Variants in BMP8A observed in about 807,000 individuals in gnomAD.
BMP8A encodes the protein bone morphogenetic protein 8a.
BMP8A carries 14 observed loss-of-function variants against 36.8 expected under a neutral mutation model. The ratio of observed to expected loss-of-function variants is 0.38; its 90% CI spans 0.25 to 0.60. BMP8A has a LOEUF of 0.60. BMP8A is among the 20% of genes least tolerant of loss of function. BMP8A has a pLI of 0.63. For synonymous variants in BMP8A, 120 were observed against 237.7 expected (o/e 0.50, Z 4.55); for missense variants, 267 against 551.1 (o/e 0.48, Z 5.16).
chr1:39,518,246 A>G (rs1221162732), intron 3 of BMP8A, among the ~76,000 whole-genome samples: 11 of 148,902 alleles, frequency 7.4e-5, no homozygotes, highest in African/African-American at 2.8e-4. Flanking sequence ...CTGGTCAAGG[A>G]CAGACTTTCC....
chr1:39,497,735 T>A (rs1393504716), intron 1 of BMP8A, among the ~76,000 whole-genome samples: 1 of 151,376 alleles, frequency 6.6e-6, no homozygotes, highest in East Asian at 1.9e-4. Context: ...CAATTCTGAC[T>A]CTTCCCTGCC....
At chr1:39,504,089 G>T (rs1645277371) in intron 1 of BMP8A, among the ~76,000 whole-genome samples, 1 of 152,172 alleles carries the variant, frequency 6.6e-6, no homozygotes, top group South Asian at 2.1e-4. Context: ...AGATAGATTG[G>T]TATCATATTG....
intron 5 of BMP8A, among the ~76,000 whole-genome samples, chr1:39,522,689 AAATG>A (rs1427868878): frequency 1.4e-4 from 22 of 152,322 alleles, no homozygotes; most frequent in African/African-American, 5.3e-4. Flanking sequence ...AAAACCATGA[AAATG>A]AAGACTGAAT....
intron 6 of BMP8A, among the ~76,000 whole-genome samples, 178 bp from the exon 7 acceptor site, chr1:39,525,471 C>A (rs539562087): frequency 1.8e-4 from 27 of 152,256 alleles, no homozygotes; most frequent in African/African-American, 6.5e-4. Flanking sequence ...CCACAGCTCC[C>A]GCTCCCAGAG....
chr1:39,509,763 A>G (rs1186374799), intron 1 of BMP8A, among the ~76,000 whole-genome samples: 1 of 152,218 alleles, frequency 6.6e-6, no homozygotes, highest in East Asian at 1.9e-4. Context: ...GTAACCAGAG[A>G]GAATTTTTAA....
At chr1:39,511,413 C>T (rs1645353878) in intron 2 of BMP8A, 50 bp downstream of exon 2, 1 of 602,454 alleles carries the variant, frequency 1.7e-6, no homozygotes, top group Non-Finnish European at 2.9e-6. Context: ...ACCTCACAGT[C>T]TCATGGTCAA....
At position 39,492,069 on chromosome 1, in the gene BMP8A, A is replaced by AC; in HGVS notation, c.83dup (p.Pro29AlafsTer103). ...TGGGCGGGGGCGGCCCCGGCCTGCG[A>AC]CCCCCGCCCGGCTGTCCCCAGCGAC... On this transcript the variant is annotated frameshift_variant, in exon 1 of 7. Transcript: ENST00000331593. LOFTEE classifies it high-confidence loss of function. 1 of 1,117,628 alleles carries AC rather than the reference A, an allele frequency of 8.9e-7. No homozygotes were observed. The highest frequency in any genetic ancestry group is 1.1e-6 in the Non-Finnish European group (1 of 917,760). 69.2% of individuals were successfully genotyped at this position (1,117,628 alleles called of 1,614,324 possible).
At position 39,492,077 on chromosome 1, in the gene BMP8A, C is replaced by T. The variant is rs1645163626; in HGVS notation, c.86C>T (p.Pro29Leu). The T allele has an allele frequency of 1.2e-5, 14 of 1,132,234 alleles. No homozygotes were observed. Among genetic ancestry groups the T allele is most frequent in the Non-Finnish European group, 1.5e-5 (14 of 926,820 alleles). 70.1% of individuals were successfully genotyped at this position (1,132,234 alleles called of 1,614,324 possible). A position where few individuals can be genotyped will look rare whatever the true frequency, so the allele number is the denominator to read the frequency against. ...GGCGGCCCCGGCCTGCGACCCCCGC[C>T]CGGCTGTCCCCAGCGACGTCTGGGC... ...GGGGPGLRPP[P>L]GCPQRRLGAR... is the part of the protein sequence containing the mutation. Residue 29 changes from proline to leucine, a missense_variant, in exon 1 of 7, where the codon CCC (proline) becomes CTC (leucine). Physicochemically the swap from Pro to Leu is moderately conservative, Grantham distance 98. Coordinates refer to ENST00000331593, the MANE Select transcript of BMP8A (RefSeq NM_181809.4).
At chr1:39,521,063 G>GA (rs1645425954) in intron 3 of BMP8A, among the ~76,000 whole-genome samples, 1 of 75,536 alleles carries the variant, frequency 1.3e-5, no homozygotes, top group African/African-American at 5.1e-5. Flanking sequence ...TGATCCATGG[G>GA]AAAAATCTTC....
Position 39,523,525 on chromosome 1 carries a change from C to T in BMP8A, c.1059+408C>T, listed in dbSNP as rs710912. On this transcript the variant is annotated intron_variant, in intron 6 of 6. Transcript: ENST00000331593. ...CAAGTCTGACCGCCTGTGATATGTG[C>T]GCACAGTGTGTGGGGTGTGCGTGTG... 0.013 allele frequency: 17,349 copies of T among 1,369,492 alleles called. 900 individuals are homozygous for T. The African/African-American group carries it at 0.16, about 12-fold the overall frequency. The allele number at this position is 1,369,492 out of a possible 1,614,324, so 84.8% of individuals were successfully genotyped here. A position where few individuals can be genotyped will look rare whatever the true frequency, so the allele number is the denominator to read the frequency against.
chr1:39,505,523 C>T (rs1435139791), intron 1 of BMP8A, among the ~76,000 whole-genome samples: 2 of 152,160 alleles, frequency 1.3e-5, no homozygotes, highest in Non-Finnish European at 2.9e-5. Flanking sequence ...AATGGAGTCT[C>T]TTATGTCTTC....
At position 39,527,414 on chromosome 1, in the gene BMP8A, G is replaced by C. The variant is rs1051813667; in HGVS notation, c.*1616G>C. Reference sequence around the variant, plus strand: ...CCGTGTCATTAAAAGCAGATCCTGGGCCCGCCCCATCCACAGGCACAGCCT... The same window carrying C: ...CCGTGTCATTAAAAGCAGATCCTGGCCCCGCCCCATCCACAGGCACAGCCT... On this transcript the variant is annotated 3_prime_UTR_variant, in exon 7 of 7. Coordinates refer to ENST00000331593, the MANE Select transcript of BMP8A (RefSeq NM_181809.4). Among the ~76,000 whole-genome samples the C allele has an allele frequency of 6.6e-6, 1 of 152,208 alleles. No individual in the cohort carries two copies. The highest frequency in any genetic ancestry group is 1.5e-5 in the Non-Finnish European group (1 of 68,034).
chr1:39,499,813 G>A (rs1474956141), intron 1 of BMP8A, among the ~76,000 whole-genome samples: 2 of 152,226 alleles, frequency 1.3e-5, no homozygotes, highest in East Asian at 1.9e-4. Flanking sequence ...TGGATTCTGA[G>A]CCAAGCCCCC....
chr1:39,510,894 C>T (rs12080113), intron 1 of BMP8A, among the ~76,000 whole-genome samples: 6,029 of 152,220 alleles, frequency 0.04, 413 homozygotes, highest in East Asian at 0.34. Context: ...CAAGAAGGGG[C>T]GCAACGGGAG....
rs148598959 is a variant in BMP8A, at chr1:39,525,669, C to T, written c.1080C>T (p.Asn360=). 4.9e-4 allele frequency: 792 copies of T among 1,613,960 alleles called. 1 individual carries two copies. Among genetic ancestry groups the T allele is most frequent in the Non-Finnish European group, 6.5e-4 (765 of 1,180,016 alleles). Reference sequence around the variant, plus strand: ...GCCAGGTGCACCTGATGAAGCCAAACGCAGTCCCCAAGGCGTGCTGTGCAC... The same window carrying T: ...GCCAGGTGCACCTGATGAAGCCAAATGCAGTCCCCAAGGCGTGCTGTGCAC... ...LQSLVHLMKP[N]AVPKACCAPT... is the part of the protein sequence containing the mutation. The change falls in exon 7 of 7, where the codon AAC becomes AAT. Residue 360 remains asparagine (N), a synonymous_variant. Transcript: ENST00000331593.
chr1:39,526,437 C>G lies in BMP8A; in HGVS notation c.*639C>G, dbSNP rs763689462. ...CACTGCAACCTCTGCCTCCCAGGTT[C>G]AAGCAATTCTCGTGCCTCAGCCTCC... On this transcript the variant is annotated 3_prime_UTR_variant, in exon 7 of 7. Transcript: ENST00000331593. Among the ~76,000 whole-genome samples the G allele has an allele frequency of 6.6e-6, 1 of 151,566 alleles. No individual in the cohort carries two copies. The highest frequency in any genetic ancestry group is 1.5e-5 in the Non-Finnish European group (1 of 67,966).
intron 1 of BMP8A, among the ~76,000 whole-genome samples, chr1:39,494,369 G>C (rs554047050): frequency 3.9e-5 from 5 of 127,594 alleles, no homozygotes; most frequent in Non-Finnish European, 6.4e-5. Context: ...TTTTTTTTAA[G>C]AGGCAGGGTT....
intron 1 of BMP8A, among the ~76,000 whole-genome samples, chr1:39,495,124 C>T (rs752777610): frequency 5.9e-5 from 9 of 152,286 alleles, no homozygotes; most frequent in Middle Eastern, 3.4e-3. Context: ...ATAGCAGGGT[C>T]GCTGTGGTGT....
At chr1:39,519,813 T>C (rs1645418376) in intron 3 of BMP8A, among the ~76,000 whole-genome samples, 1 of 147,602 alleles carries the variant, frequency 6.8e-6, no homozygotes, top group African/African-American at 2.5e-5. Context: ...TGCAAACATA[T>C]GCCTGTGTGT....
Sources: gnomAD v4.1 joint callset for allele counts (sites outside exome capture counted in the v4.1 genomes callset) on GRCh38, gnomAD v4.1.1 for gene constraint, MANE v1.5 for transcripts, NCBI Gene and HGNC (gene_info 2026-07-23, HGNC 2026-07-21) for gene names.